TVP23A: variants seen among roughly 807,000 people sequenced by gnomAD.
TVP23A encodes the protein Golgi apparatus membrane protein TVP23 homolog A.
Under a neutral mutation model 31.7 loss-of-function variants are expected in TVP23A, and 21 were observed. The observed-to-expected ratio is 0.66, with a 90% confidence interval of 0.47 to 0.95. The LOEUF (loss-of-function observed/expected upper bound fraction) is 0.95. Among genes scored for constraint, TVP23A ranks in the 40% least tolerant of loss-of-function variants. TVP23A has a pLI of 0.00. For missense variants in TVP23A, 279 were observed against 255.6 expected (o/e 1.09, Z -0.62); for synonymous variants, 104 against 96.0 (o/e 1.08, Z -0.49).
intron 2 of TVP23A, among the ~76,000 whole-genome samples, chr16:10,811,700 C>A (rs951505638): frequency 6.6e-6 from 1 of 151,760 alleles, no homozygotes; most frequent in East Asian, 1.9e-4. Context: ...GTCAGGAGAT[C>A]GAGACCATCC....
At chr16:10,802,264 GTGTGTGTGTGTGTGTGTGTGTA>G (rs1330577137) in intron 2 of TVP23A, among the ~76,000 whole-genome samples, 1 of 138,800 alleles carries the variant, frequency 7.2e-6, no homozygotes, top group African/African-American at 3.2e-5. Flanking sequence ...GTGTGTGTGT[GTGTGTGTGTGTGTGTGTGTGTA>G]TATGTGTGTG....
intron 2 of TVP23A, among the ~76,000 whole-genome samples, chr16:10,782,705 TTTTGCCC>T (rs1177038249): frequency 3.9e-5 from 6 of 152,138 alleles, no homozygotes; most frequent in African/African-American, 1.4e-4. Context: ...GATCTCACTA[TTTTGCCC>T]AGGCTGGTCT....
At chr16:10,763,716 C>G (rs2030374613), downstream of TVP23A, 1 of 154,644 alleles carries the variant, frequency 6.5e-6, no homozygotes, top group African/African-American at 2.4e-5. Flanking sequence ...CACAGTTCAG[C>G]TCTGCCGAGA....
intron 2 of TVP23A, among the ~76,000 whole-genome samples, chr16:10,784,333 A>C (rs906909030): frequency 1.3e-5 from 2 of 152,016 alleles, no homozygotes; most frequent in African/African-American, 4.8e-5. Flanking sequence ...TGTCTCAAAA[A>C]AAAGAAAAAA....
In TVP23A at chr16:10,775,557, G is replaced by A. The variant is rs141531372; in HGVS notation, c.90-461C>T. 199 of 1,013,164 alleles carry A rather than the reference G, an allele frequency of 2.0e-4. 1 individual carries two copies. In the African/African-American group the frequency reaches 3.1e-3, roughly 16 times the overall value. 62.8% of individuals were successfully genotyped at this position (1,013,164 alleles called of 1,614,324 possible). On this transcript the variant is annotated intron_variant, in intron 2 of 7. Transcript: ENST00000299866. ...CGGGGAATGCGTGTTCCTGGACAGA[G>A]GGAAACATGTGACCTGTGAATGGCA...
At chr16:10,771,564 G>A (rs1596492930) in intron 6 of TVP23A, 106 bp downstream of exon 6, 3 of 1,399,842 alleles carry the variant, frequency 2.1e-6, no homozygotes, top group East Asian at 4.8e-5. Flanking sequence ...TAAAACATTG[G>A]CAGCCTGGCG....
At chr16:10,763,216 C>T (rs1190892752), downstream of TVP23A, among the ~76,000 whole-genome samples, 6 of 151,930 alleles carry the variant, frequency 3.9e-5, no homozygotes, top group South Asian at 2.1e-4. Flanking sequence ...TTCTGGGGTC[C>T]GTCAGGAGAA....
intron 2 of TVP23A, among the ~76,000 whole-genome samples, chr16:10,812,468 T>C (rs1455624948): frequency 6.6e-6 from 1 of 152,216 alleles, no homozygotes; most frequent in East Asian, 1.9e-4. Flanking sequence ...CCACATTCAT[T>C]GCAGTACTGT....
intron 2 of TVP23A, among the ~76,000 whole-genome samples, chr16:10,796,724 C>T (rs2033410693): frequency 6.6e-6 from 1 of 152,162 alleles, no homozygotes; most frequent in African/African-American, 2.4e-5. Flanking sequence ...AGGCGTGAGC[C>T]ACCGCGCCCG....
rs924001567 is a variant in TVP23A at position 10,818,593 on chromosome 16, G to C, written c.-100C>G. ...GCCGGGCGGGCGGATGTAGGCAGCA[G>C]ACGGTGGACGCTGAGGGTCGGGGCC... On this transcript the variant is annotated 5_prime_UTR_variant, in exon 1 of 8. Transcript: ENST00000299866. This position sits in a 1 kb window ranked among gnomAD's most constrained non-coding sequence, Gnocchi z 4.7. The C allele has an allele frequency of 2.2e-4, 323 of 1,439,934 alleles. No homozygotes were observed. Among genetic ancestry groups the C allele is most frequent in the Non-Finnish European group, 2.9e-4 (312 of 1,078,762 alleles). The allele number at this position is 1,439,934 out of a possible 1,614,324, so 89.2% of individuals were successfully genotyped here. A position where few individuals can be genotyped will look rare whatever the true frequency, so the allele number is the denominator to read the frequency against.
intron 2 of TVP23A, among the ~76,000 whole-genome samples, chr16:10,782,744 T>C (rs1596518353): frequency 1.3e-5 from 2 of 152,018 alleles, no homozygotes; most frequent in Admixed American, 6.6e-5. Context: ...GCTCAAGCTG[T>C]CCTCCCATCT....
At chr16:10,787,200 C>G (rs1027007113) in intron 2 of TVP23A, among the ~76,000 whole-genome samples, 1 of 152,166 alleles carries the variant, frequency 6.6e-6, no homozygotes, top group African/African-American at 2.4e-5. Context: ...GTACTAAACC[C>G]TTTTTGATAT....
At chr16:10,804,191 G>T (rs905973454) in intron 2 of TVP23A, among the ~76,000 whole-genome samples, 1 of 152,186 alleles carries the variant, frequency 6.6e-6, no homozygotes, top group East Asian at 1.9e-4. Flanking sequence ...CCTGTAGGTG[G>T]CTTCAAGAGG....
chr16:10,758,464 C>A (rs1900722711), downstream of TVP23A, among the ~76,000 whole-genome samples: 1 of 152,180 alleles, frequency 6.6e-6, no homozygotes, highest in South Asian at 2.1e-4. Context: ...GCGAGTGAGG[C>A]CTTGTCCCAA....
downstream of TVP23A, chr16:10,761,213 G>C (rs1230341300): frequency 3.3e-6 from 2 of 605,972 alleles, no homozygotes; most frequent in Non-Finnish European, 5.8e-6. Flanking sequence ...CTGAGATTTG[G>C]ATGGGGACAC....
chr16:10,798,701 G>A, intron 2 of TVP23A, among the ~76,000 whole-genome samples: 1 of 152,128 alleles, frequency 6.6e-6, no homozygotes, highest in East Asian at 1.9e-4. Context: ...GTCTCACTCT[G>A]TCGCCAGGCT....
chr16:10,771,394 G>C (rs1386027665), intron 6 of TVP23A, among the ~76,000 whole-genome samples: 2 of 152,142 alleles, frequency 1.3e-5, no homozygotes, highest in South Asian at 2.1e-4. Flanking sequence ...AAAAGGCCAG[G>C]CATGGTGGTA....
downstream of TVP23A, chr16:10,762,135 G>T (rs1011230830): frequency 2.5e-4 from 80 of 317,830 alleles, 1 homozygote; most frequent in East Asian, 4.2e-3. Context: ...GGTGGCAGGG[G>T]ACTGAGGAGG....
At chr16:10,792,236 A>G (rs2033146382) in intron 2 of TVP23A, among the ~76,000 whole-genome samples, 1 of 152,056 alleles carries the variant, frequency 6.6e-6, no homozygotes, top group South Asian at 2.1e-4. Flanking sequence ...ATGTGTGTCC[A>G]TGTCCTTAAT....
Sources: gnomAD v4.1 joint callset for allele counts (sites outside exome capture counted in the v4.1 genomes callset) on GRCh38, gnomAD v4.1.1 for gene constraint, Gnocchi (gnomAD v3.1) non-coding constraint, MANE v1.5 for transcripts, NCBI Gene and HGNC (gene_info 2026-07-23, HGNC 2026-07-21) for gene names.